The following NUP37 variants were observed in gnomAD, a reference collection of about 807,000 sequenced individuals.
NUP37 encodes nucleoporin 37.
A neutral mutation model predicts 45.4 loss-of-function variants in NUP37; 33 were observed. That is an observed-to-expected ratio of 0.73 (90% confidence interval 0.55 to 0.97). NUP37 has a LOEUF of 0.97. Ranked by LOEUF, NUP37 falls within the 50% of genes least tolerant of loss-of-function variation. NUP37 has a pLI of 0.00. For synonymous variants in NUP37, 127 were observed against 130.7 expected (o/e 0.97, Z 0.19); for missense variants, 365 against 389.7 (o/e 0.94, Z 0.53).
At chr12:102,080,955 G>A (rs192011753) in intron 6 of NUP37, among the ~76,000 whole-genome samples, 3 of 152,318 alleles carry the variant, frequency 2.0e-5, no homozygotes, top group East Asian at 3.9e-4. Flanking sequence ...AGCCTGGTCC[G>A]AAGGTAGTAG....
chr12:102,082,273 A>G (rs1368460354), intron 6 of NUP37, among the ~76,000 whole-genome samples: 2 of 151,998 alleles, frequency 1.3e-5, no homozygotes, highest in Non-Finnish European at 2.9e-5. Flanking sequence ...TGGGATTTTC[A>G]TAAGAATTCT....
chr12:102,097,954 ATTAAAAAT>A (rs896188743), intron 5 of NUP37, among the ~76,000 whole-genome samples: 7 of 152,214 alleles, frequency 4.6e-5, no homozygotes, highest in Admixed American at 2.6e-4. Context: ...TATTAAGAAG[ATTAAAAAT>A]TTAAAAAGTA....
intron 2 of NUP37, among the ~76,000 whole-genome samples, chr12:102,115,020 C>G (rs1405397666): frequency 6.6e-6 from 1 of 152,200 alleles, no homozygotes; most frequent in Non-Finnish European, 1.5e-5. Context: ...GCAGCAGATT[C>G]AGCCTCAGCC....
intron 6 of NUP37, among the ~76,000 whole-genome samples, chr12:102,080,277 C>T (rs1272975503): frequency 6.6e-6 from 1 of 152,074 alleles, no homozygotes; most frequent in Admixed American, 6.5e-5. Flanking sequence ...TTCTTATTAG[C>T]CAGGCGAGGT....
Position 102,074,345 on chromosome 12 carries a change from GA to G in NUP37, c.*8del. ...ACAAAGTTTGTGAATCTAAGGTACAGAAAACACTTTATACTTCAGTCACCCA... is the reference window on the plus strand; with the variant it reads ...ACAAAGTTTGTGAATCTAAGGTACAGAAACACTTTATACTTCAGTCACCCA... On this transcript the variant is annotated 3_prime_UTR_variant, in exon 10 of 10. Coordinates refer to ENST00000552283, the MANE Select transcript of NUP37 (RefSeq NM_024057.4). 1 of 1,544,490 alleles carries G rather than the reference GA, an allele frequency of 6.5e-7. No homozygotes were observed. The highest frequency in any genetic ancestry group is 1.7e-5 in the Admixed American group (1 of 58,016).
At chr12:102,113,639 A>C (rs1880378148) in intron 2 of NUP37, among the ~76,000 whole-genome samples, 1 of 152,184 alleles carries the variant, frequency 6.6e-6, no homozygotes, top group Non-Finnish European at 1.5e-5. Context: ...TTTCGCGACA[A>C]ATTTGTCCAA....
At chr12:102,107,557 A>T (rs921182585) in intron 3 of NUP37, among the ~76,000 whole-genome samples, 2 of 152,224 alleles carry the variant, frequency 1.3e-5, no homozygotes, top group Non-Finnish European at 2.9e-5. Context: ...GCACATGGAC[A>T]TTATGATATA....
rs1436553388 is a variant in NUP37, at chr12:102,097,943, A to AT, written c.449+1162dup. Among the ~76,000 whole-genome samples the AT allele has an allele frequency of 7.2e-5, 11 of 152,342 alleles. No individual in the cohort carries two copies. In the East Asian group the frequency reaches 2.1e-3, roughly 29 times the overall value. ...CTCTATCACTTTAAAAAGATGAGCT[A>AT]TATTAAGAAGATTAAAAATTTAAAA... On this transcript the variant is annotated intron_variant, in intron 5 of 9. Transcript: ENST00000552283.
intron 5 of NUP37, among the ~76,000 whole-genome samples, chr12:102,094,242 C>T (rs946121415): frequency 3.9e-5 from 6 of 151,992 alleles, no homozygotes; most frequent in Non-Finnish European, 5.9e-5. Flanking sequence ...GATCTTGATT[C>T]AAAATGTTAG....
chr12:102,076,813 G>C lies in NUP37; in HGVS notation c.757C>G (p.Arg253Gly). 6.2e-7 allele frequency: 1 copy of C among 1,613,364 alleles called. No homozygotes were observed. The highest frequency in any genetic ancestry group is 8.5e-7 in the Non-Finnish European group (1 of 1,179,544). The change falls in exon 8 of 10, where the codon CGA (arginine) becomes GGA (glycine). Residue 253 changes from arginine (R) to glycine (G), a missense_variant. Arg to Gly is a moderately radical substitution (Grantham distance 125). Transcript: ENST00000552283. ...GTACATTACCTGAATAAGCAGGCTC[G>C]ATCCATGTGAACAGGTCTCTTATTT... ...PQNKRPVHMDRACLFRWSTIS... is the reference protein window; with the variant it reads ...PQNKRPVHMDGACLFRWSTIS...
intron 2 of NUP37, among the ~76,000 whole-genome samples, chr12:102,114,723 C>T (rs1176762071): frequency 2.0e-5 from 3 of 152,162 alleles, no homozygotes; most frequent in African/African-American, 7.2e-5. Context: ...TCAATTCTTT[C>T]CCCCCAATGC....
intron 2 of NUP37, among the ~76,000 whole-genome samples, chr12:102,115,162 AAATAC>A (rs1880428585): frequency 6.6e-6 from 1 of 152,236 alleles, no homozygotes; most frequent in Non-Finnish European, 1.5e-5. Context: ...ATTTGTATTA[AAATAC>A]ATTATCTTCT....
At chr12:102,095,945 T>TG (rs539275350) in intron 5 of NUP37, among the ~76,000 whole-genome samples, 93 of 152,264 alleles carry the variant, frequency 6.1e-4, no homozygotes, top group Non-Finnish European at 9.1e-4. Context: ...GCCTTGCCTC[T>TG]GCCTTACATT....
Position 102,096,961 on chromosome 12 carries a change from G to A in NUP37, c.449+2145C>T, listed in dbSNP as rs757510723. Among the ~76,000 whole-genome samples, 9 of 151,742 alleles carry A rather than the reference G, an allele frequency of 5.9e-5. No individual in the cohort carries two copies. In the South Asian group the frequency reaches 1.1e-3, roughly 18 times the overall value. Reference sequence around the variant, plus strand: ...CTAGTTTGATGTTGTGCATCAACCCGAAAATCTCGGTGGTTTACAGAAATA... The same window carrying A: ...CTAGTTTGATGTTGTGCATCAACCCAAAAATCTCGGTGGTTTACAGAAATA... On this transcript the variant is annotated intron_variant, in intron 5 of 9. Transcript: ENST00000552283.
chr12:102,073,276 T>C lies in NUP37; in HGVS notation c.*1078A>G, dbSNP rs977297062. 1 of 152,234 alleles carries C rather than the reference T, an allele frequency of 6.6e-6. No homozygotes were observed. The highest frequency in any genetic ancestry group is 1.5e-5 in the Non-Finnish European group (1 of 68,038). 9.4% of individuals were successfully genotyped at this position (152,234 alleles called of 1,614,324 possible). ...ACTGACAAGCAGAACCATAATTTTA[T>C]ATGCTTCTGACTGTACCATGATGTA... On this transcript the variant is annotated 3_prime_UTR_variant, in exon 10 of 10. Coordinates refer to ENST00000552283, the MANE Select transcript of NUP37 (RefSeq NM_024057.4).
At chr12:102,083,429 C>A (rs987563886) in intron 6 of NUP37, among the ~76,000 whole-genome samples, 1 of 152,152 alleles carries the variant, frequency 6.6e-6, no homozygotes, top group Non-Finnish European at 1.5e-5. Flanking sequence ...AACAAATTTC[C>A]ATGAAATCCC....
chr12:102,099,573 G>A (rs1007619219), intron 4 of NUP37, among the ~76,000 whole-genome samples: 7 of 151,998 alleles, frequency 4.6e-5, no homozygotes, highest in African/African-American at 1.7e-4. Flanking sequence ...ACCGAGGTAG[G>A]GTACCTCTAG....
intron 6 of NUP37, among the ~76,000 whole-genome samples, chr12:102,079,715 G>C (rs1879278700): frequency 6.6e-6 from 1 of 151,768 alleles, no homozygotes; most frequent in South Asian, 2.1e-4. Context: ...ACTGTGCTTG[G>C]GGATGATTTT....
rs74241019 is a variant in NUP37, at chr12:102,107,025, G to T, written c.281+5083C>A. ...CCCCACAATTCCTGTCTTTCCACATGTAGTTGCATTTCTTCCCTGCTATAT... is the reference window on the plus strand; with the variant it reads ...CCCCACAATTCCTGTCTTTCCACATTTAGTTGCATTTCTTCCCTGCTATAT... On this transcript the variant is annotated intron_variant, in intron 3 of 9. Transcript: ENST00000552283. 3.3e-5 allele frequency among the ~76,000 whole-genome samples: 5 copies of T among 152,140 alleles called. No homozygotes were observed. The East Asian group carries it at 9.6e-4, about 29-fold the overall frequency.
Sources: gnomAD v4.1 joint callset for allele counts (sites outside exome capture counted in the v4.1 genomes callset) on GRCh38, gnomAD v4.1.1 for gene constraint, MANE v1.5 for transcripts, NCBI Gene and HGNC (gene_info 2026-07-23, HGNC 2026-07-21) for gene names.